The following STARD9 variants were observed in gnomAD, a reference collection of about 807,000 sequenced individuals.
STARD9 encodes StAR related lipid transfer domain containing 9.
STARD9 carries 346 observed loss-of-function variants against 399.8 expected under a neutral mutation model. The observed-to-expected ratio is 0.87, with a 90% confidence interval of 0.79 to 0.95. The LOEUF (loss-of-function observed/expected upper bound fraction) is 0.95. Among genes scored for constraint, STARD9 ranks in the 40% least tolerant of loss-of-function variants. The pLI is 0.00. For synonymous variants in STARD9, 2,203 were observed against 2,143.5 expected, an observed-to-expected ratio of 1.03 and a Z score of -0.77; for missense variants, 5,832 against 5,667.5, an observed-to-expected ratio of 1.03 and a Z score of -0.93.
intron 3 of STARD9, among the ~76,000 whole-genome samples, chr15:42,602,360 A>G (rs1037085998): frequency 6.6e-6 from 1 of 152,176 alleles, no homozygotes; most frequent in African/African-American, 2.4e-5. Flanking sequence ...TGTTCAAGGT[A>G]GAGGGGTCGT....
At chr15:42,694,446 C>T in intron 23 of STARD9, 82 bp from the exon 24 acceptor site, 1 of 1,525,568 alleles carries the variant, frequency 6.6e-7, no homozygotes, top group Non-Finnish European at 8.8e-7. Flanking sequence ...TGGTTCATCT[C>T]TGGGATCTTC....
At chr15:42,696,360 G>T (rs1215762347) in intron 26 of STARD9, among the ~76,000 whole-genome samples, 2 of 152,206 alleles carry the variant, frequency 1.3e-5, no homozygotes, top group African/African-American at 4.8e-5. Context: ...TATTGGGAGA[G>T]ATGTGGGCCT....
intron 9 of STARD9, among the ~76,000 whole-genome samples, chr15:42,660,542 G>A (rs373872880): frequency 6.8e-6 from 1 of 147,058 alleles, no homozygotes; most frequent in Non-Finnish European, 1.5e-5. Context: ...TCCAGCCTGG[G>A]TAACAAGAGC....
intron 3 of STARD9, among the ~76,000 whole-genome samples, chr15:42,611,611 T>C (rs140074516): frequency 1.3e-5 from 2 of 152,344 alleles, no homozygotes; most frequent in South Asian, 2.1e-4. Flanking sequence ...TCATTGTCCT[T>C]GTCCAGGCCA....
chr15:42,694,496 G>A (rs1340327143), intron 23 of STARD9, 32 bp from the exon 24 acceptor site: 1 of 1,535,324 alleles, frequency 6.5e-7, no homozygotes, highest in African/African-American at 1.4e-5. Flanking sequence ...GGACATTCAG[G>A]GCCAGCTTCA....
At chr15:42,666,327 C>T (rs1371860366) in intron 15 of STARD9, among the ~76,000 whole-genome samples, 1 of 152,104 alleles carries the variant, frequency 6.6e-6, no homozygotes, top group Admixed American at 6.6e-5. Flanking sequence ...ATTTTCAGAG[C>T]AGATATCATA....
intron 7 of STARD9, among the ~76,000 whole-genome samples, chr15:42,650,220 GCTTT>G (rs1212402198): frequency 6.6e-6 from 1 of 152,042 alleles, no homozygotes; most frequent in Non-Finnish European, 1.5e-5. Context: ...TTCTTGGATT[GCTTT>G]CTATTGACTA....
chr15:42,693,209 T>C lies in STARD9; in HGVS notation c.11631T>C (p.Pro3877=). 4.6e-6 allele frequency: 7 copies of C among 1,537,114 alleles called. No individual in the cohort carries two copies. Among genetic ancestry groups the C allele is most frequent in the Non-Finnish European group, 6.1e-6 (7 of 1,146,882 alleles). The change falls in exon 23 of 33, where the codon CCT becomes CCC. Residue 3877 remains proline (P), a synonymous_variant. Transcript: ENST00000290607. ...TCTTTCCCAGTACTTCCGAGTATCC[T>C]GGGGACTCCAGGGTCCAGAAGAAGC... ...PGLFPSTSEY[P]GDSRVQKKLG... is the part of the protein sequence containing the mutation.
Position 42,687,028 on chromosome 15 carries a change from C to G in STARD9, c.5450C>G (p.Ala1817Gly), listed in dbSNP as rs187974547. ...SKIASSQQVT[A>G]EIPVDLNTRE... ...ATTGCCTCATCTCAGCAGGTCACAG[C>G]TGAGATACCAGTTGATCTGAATACC... Residue 1817 changes from alanine (A) to glycine (G), a missense_variant, in exon 23 of 33, where the codon GCT (alanine) becomes GGT (glycine). Transcript: ENST00000290607. The G allele has an allele frequency of 8.1e-4, 1,238 of 1,537,062 alleles. No homozygotes were observed. The highest frequency in any genetic ancestry group is 1.6e-3 in the Admixed American group (81 of 50,996).
At position 42,687,012 on chromosome 15, in the gene STARD9, T is replaced by TC; in HGVS notation, c.5435dup (p.Gln1813SerfsTer6). 6.5e-7 allele frequency: 1 copy of TC among 1,537,046 alleles called. No individual in the cohort carries two copies. The highest frequency in any genetic ancestry group is 8.7e-7 in the Non-Finnish European group (1 of 1,146,894). ...AAACCAGAATTCTAAGATTGCCTCA[T>TC]CTCAGCAGGTCACAGCTGAGATACC... On this transcript the variant is annotated frameshift_variant, in exon 23 of 33. Coordinates refer to ENST00000290607, the MANE Select transcript of STARD9 (RefSeq NM_020759.3). LOFTEE classifies it high-confidence loss of function.
chr15:42,665,159 G>C (rs2060069881), intron 13 of STARD9, 94 bp from the exon 14 acceptor site: 2 of 963,584 alleles, frequency 2.1e-6, no homozygotes, highest in Non-Finnish European at 3.2e-6. Flanking sequence ...CTCCAAAGGA[G>C]TAATCTACCT....
chr15:42,605,256 T>C (rs555298860), intron 3 of STARD9, among the ~76,000 whole-genome samples: 1 of 152,350 alleles, frequency 6.6e-6, no homozygotes, highest in African/African-American at 2.4e-5. Flanking sequence ...TTCAGATGTT[T>C]GAACTACAGC....
At chr15:42,660,876 CT>C (rs1293153452) in intron 9 of STARD9, among the ~76,000 whole-genome samples, 6 of 151,728 alleles carry the variant, frequency 4.0e-5, no homozygotes, top group African/African-American at 1.5e-4. Flanking sequence ...CCTGATGCCA[CT>C]GAAAGTTGTG....
At chr15:42,635,368 C>T (rs913580047) in intron 4 of STARD9, among the ~76,000 whole-genome samples, 1 of 151,750 alleles carries the variant, frequency 6.6e-6, no homozygotes, top group South Asian at 2.1e-4. Context: ...CTTGCTCTGT[C>T]GCCGAGGCTG....
intron 3 of STARD9, 38 bp from the exon 4 acceptor site, chr15:42,634,818 G>A: frequency 9.7e-7 from 1 of 1,025,718 alleles, no homozygotes; most frequent in Middle Eastern, 2.2e-4. Context: ...ATGAGAAGAA[G>A]GACCACAGTG....
chr15:42,617,088 T>C (rs2058979147), intron 3 of STARD9, among the ~76,000 whole-genome samples: 1 of 152,170 alleles, frequency 6.6e-6, no homozygotes, highest in African/African-American at 2.4e-5. Context: ...TAATGAAGTA[T>C]TCATTGTGTA....
rs1182613027 is a variant in STARD9 at position 42,691,509 on chromosome 15, A to G, written c.9931A>G (p.Ile3311Val). The part of the protein sequence containing the change: ...NHRGSLPVTT[I>V]FSGPKHSRSS... Reference sequence around the variant, plus strand: ...CAGGGGCTCACTTCCTGTGACTACAATCTTCTCTGGCCCCAAACACTCCAG... The same window carrying G: ...CAGGGGCTCACTTCCTGTGACTACAGTCTTCTCTGGCCCCAAACACTCCAG... Residue 3311 changes from isoleucine to valine, a missense_variant, in exon 23 of 33, where the codon ATC becomes GTC. Coordinates refer to ENST00000290607, the MANE Select transcript of STARD9 (RefSeq NM_020759.3). 1.7e-5 allele frequency: 26 copies of G among 1,537,008 alleles called. No individual in the cohort carries two copies. The highest frequency in any genetic ancestry group is 2.4e-5 in the East Asian group (1 of 40,918).
chr15:42,699,316 T>A (rs1000830410), intron 26 of STARD9, among the ~76,000 whole-genome samples: 1 of 151,582 alleles, frequency 6.6e-6, no homozygotes, highest in Non-Finnish European at 1.5e-5. Flanking sequence ...CCCCATTCCC[T>A]CTTCCTGATC....
chr15:42,680,484 C>T (rs2060405945), intron 20 of STARD9, among the ~76,000 whole-genome samples: 1 of 152,012 alleles, frequency 6.6e-6, no homozygotes, highest in Non-Finnish European at 1.5e-5. Flanking sequence ...TCTGTAATCC[C>T]AGCTACTTGG....
Sources: gnomAD v4.1 joint callset for allele counts (sites outside exome capture counted in the v4.1 genomes callset) on GRCh38, gnomAD v4.1.1 for gene constraint, MANE v1.5 for transcripts, NCBI Gene and HGNC (gene_info 2026-07-23, HGNC 2026-07-21) for gene names.